The following FBXL5 variants were observed in gnomAD, a reference collection of about 807,000 sequenced individuals.
The protein encoded by FBXL5 is F-box/LRR-repeat protein 5.
In FBXL5, 26 loss-of-function variants were observed where a neutral mutation model predicts 78.3. That is an observed-to-expected ratio of 0.33 (90% CI 0.24 to 0.46). The LOEUF (loss-of-function observed/expected upper bound fraction) is 0.46. Ranked by LOEUF, FBXL5 falls within the 20% of genes least tolerant of loss-of-function variation. The probability of loss-of-function intolerance (pLI) is 1.00; values close to 1 mark genes in which losing one functional copy is unlikely to be tolerated. For synonymous variants in FBXL5, 295 were observed against 282.5 expected (o/e 1.04, Z -0.45); for missense variants, 710 against 829.2 (o/e 0.86, Z 1.77).
Position 15,644,716 on chromosome 4 carries a change from A to G in FBXL5, c.85-8T>C. ...AAAATTGGTTTTAGAAAGCTGAATA[A>G]AAATTTAAAAAGAAAAGTGTAATAA... On this transcript the variant is annotated splice_region_variant and splice_polypyrimidine_tract_variant and intron_variant, in intron 1 of 10. Transcript: ENST00000341285. The G allele has an allele frequency of 1.3e-6, 2 of 1,583,642 alleles. No homozygotes were observed. Among genetic ancestry groups the G allele is most frequent in the East Asian group, 2.2e-5 (1 of 44,534 alleles).
chr4:15,631,200 G>C (rs1213466216), intron 5 of FBXL5, among the ~76,000 whole-genome samples: 1 of 152,150 alleles, frequency 6.6e-6, no homozygotes, highest in Non-Finnish European at 1.5e-5. Context: ...AGTTTGCTAA[G>C]ACTGATGGTT....
At position 15,606,129 on chromosome 4, in the gene FBXL5, A is replaced by G. The variant is rs1721870991; in HGVS notation, c.2000-330T>C. Among the ~76,000 whole-genome samples, 3 of 152,324 alleles carry G rather than the reference A, an allele frequency of 2.0e-5. No individual in the cohort carries two copies. The South Asian group carries it at 6.2e-4, about 32-fold the overall frequency. On this transcript the variant is annotated intron_variant, in intron 10 of 10. Transcript: ENST00000341285. Reference sequence around the variant, plus strand: ...CAAGCTAACTTATAAAAAGATTCTTATAATCTGAACATCCTCCCTAGAAAT... The same window carrying G: ...CAAGCTAACTTATAAAAAGATTCTTGTAATCTGAACATCCTCCCTAGAAAT...
rs763371701 is a variant in FBXL5 at position 15,625,573 on chromosome 4, G to A, written c.1529C>T (p.Ala510Val). The A allele has an allele frequency of 7.4e-6, 12 of 1,614,178 alleles. No individual in the cohort carries two copies. In the South Asian group the frequency reaches 1.3e-4, roughly 18 times the overall value. The change falls in exon 9 of 11, where the codon GCA (alanine) becomes GTA (valine). Residue 510 changes from alanine to valine, a missense_variant. Coordinates refer to ENST00000341285, the MANE Select transcript of FBXL5 (RefSeq NM_012161.4). ...AGAGGTGGAACAACTAAAGTTGGAT[G>A]CTGTTTCCATTACACAAAGACTTTC... The part of the protein sequence containing the change: ...NVESLCVMET[A>V]SNFSCSTSGC...
chr4:15,618,927 T>C (rs946386381), intron 9 of FBXL5, among the ~76,000 whole-genome samples: 22 of 35,834 alleles, frequency 6.1e-4, no homozygotes, highest in Non-Finnish European at 1.3e-3. Flanking sequence ...CCCAGCACTT[T>C]GGGAGTGCTT....
chr4:15,617,318 G>C (rs112938706), intron 9 of FBXL5, among the ~76,000 whole-genome samples: 2,504 of 152,210 alleles, frequency 0.016, 71 homozygotes, highest in African/African-American at 0.057. Flanking sequence ...GAGGCAGGTG[G>C]ACTGCCTGAG....
At chr4:15,607,235 A>G (rs1465314468) in intron 10 of FBXL5, among the ~76,000 whole-genome samples, 1 of 152,202 alleles carries the variant, frequency 6.6e-6, no homozygotes, top group Non-Finnish European at 1.5e-5. Flanking sequence ...TAACTGCTGA[A>G]GCTGATGGTA....
chr4:15,606,585 G>A (rs1721902118), intron 10 of FBXL5, among the ~76,000 whole-genome samples: 1 of 152,144 alleles, frequency 6.6e-6, no homozygotes. Flanking sequence ...CTGAATGAAT[G>A]ATATTTTCAT....
intron 1 of FBXL5, among the ~76,000 whole-genome samples, chr4:15,678,498 A>G (rs1248708973): frequency 6.6e-6 from 1 of 152,234 alleles, no homozygotes; most frequent in African/African-American, 2.4e-5. Context: ...GCAAACGAAG[A>G]AAAGCTACAA....
In FBXL5 at chr4:15,655,325, G is replaced by GGAGACA; in HGVS notation, c.-39_-38insTGTCTC. On this transcript the variant is annotated 5_prime_UTR_variant, in exon 1 of 11. Transcript: ENST00000341285. ...AGCCTCCGCCTCAGCAGCCGCGGCC[G>GGAGACA]CCGCCTCTCCATAGACACCCTCGCC... 7.4e-7 allele frequency: 1 copy of GGAGACA among 1,351,634 alleles called. No homozygotes were observed. The highest frequency in any genetic ancestry group is 9.8e-7 in the Non-Finnish European group (1 of 1,024,322). The allele number at this position is 1,351,634 out of a possible 1,614,324, so 83.7% of individuals were successfully genotyped here. A position where few individuals can be genotyped will look rare whatever the true frequency, so the allele number is the denominator to read the frequency against.
intron 1 of FBXL5, among the ~76,000 whole-genome samples, chr4:15,666,306 GGAAGA>G (rs1717542997): frequency 1.3e-5 from 2 of 151,866 alleles, no homozygotes; most frequent in African/African-American, 4.8e-5. Context: ...GGCTGAGGTG[GGAAGA>G]TTGCTTGAGC....
chr4:15,615,310 C>T (rs867583243), intron 9 of FBXL5, among the ~76,000 whole-genome samples: 6 of 152,084 alleles, frequency 3.9e-5, no homozygotes, highest in Non-Finnish European at 8.8e-5. Flanking sequence ...GCACACGGCG[C>T]GGGACTGGCA....
At chr4:15,642,167 A>T (rs1054101017) in intron 2 of FBXL5, among the ~76,000 whole-genome samples, 1 of 152,096 alleles carries the variant, frequency 6.6e-6, no homozygotes, top group Non-Finnish European at 1.5e-5. Flanking sequence ...CTTCTTCCTC[A>T]TAACCTAAAA....
At chr4:15,628,095 C>A (rs755092915) in intron 6 of FBXL5, 62 bp from the exon 7 acceptor site, 89 of 1,491,684 alleles carry the variant, frequency 6.0e-5, no homozygotes, top group Admixed American at 9.3e-5. Context: ...GCTACTCAAG[C>A]GCTCACCAAA....
At chr4:15,680,637 C>G (rs996204422) in intron 1 of FBXL5, among the ~76,000 whole-genome samples, 26 of 152,020 alleles carry the variant, frequency 1.7e-4, no homozygotes, top group African/African-American at 6.3e-4. Flanking sequence ...GGCTGCGCCA[C>G]TGCACTCCAG....
At chr4:15,617,474 T>G (rs1276732218) in intron 9 of FBXL5, among the ~76,000 whole-genome samples, 2 of 144,574 alleles carry the variant, frequency 1.4e-5, no homozygotes, top group African/African-American at 5.2e-5. Context: ...CCTGAACCTG[T>G]GAGGTGGAGG....
intron 1 of FBXL5, among the ~76,000 whole-genome samples, chr4:15,651,051 TA>T (rs1715974201): frequency 6.6e-6 from 1 of 152,210 alleles, no homozygotes; most frequent in Non-Finnish European, 1.5e-5. Flanking sequence ...CAAAAATAGA[TA>T]AGAAAACGGC....
chr4:15,630,883 CAA>C, intron 5 of FBXL5, 92 bp from the exon 6 acceptor site: 1 of 1,505,880 alleles, frequency 6.6e-7, no homozygotes, highest in East Asian at 2.4e-5. Context: ...AAAATCTCTA[CAA>C]AGAGAAAACA....
At chr4:15,618,669 C>T (rs1342986427) in intron 9 of FBXL5, among the ~76,000 whole-genome samples, 4 of 152,058 alleles carry the variant, frequency 2.6e-5, no homozygotes, top group African/African-American at 9.7e-5. Context: ...TGGTGAAACC[C>T]CGTCTCCACT....
At chr4:15,638,155 C>T (rs1714479768) in intron 4 of FBXL5, among the ~76,000 whole-genome samples, 1 of 152,146 alleles carries the variant, frequency 6.6e-6, no homozygotes, top group African/African-American at 2.4e-5. Flanking sequence ...GATGATATCG[C>T]AAAAGTGCTC....
Sources: allele counts gnomAD v4.1 joint callset (sites outside exome capture counted in the v4.1 genomes callset), GRCh38; gene constraint gnomAD v4.1.1; transcripts MANE v1.5; gene names NCBI Gene and HGNC (gene_info 2026-07-23, HGNC 2026-07-21).